The following INSYN2B variants were observed in gnomAD, a reference collection of about 807,000 sequenced individuals.
The protein encoded by INSYN2B is protein INSYN2B.
A neutral mutation model predicts 41.2 loss-of-function variants in INSYN2B; 16 were observed. The ratio of observed to expected loss-of-function variants is 0.39; its 90% confidence interval spans 0.26 to 0.59. The LOEUF is 0.59. INSYN2B is among the 20% of genes least tolerant of loss of function. The probability of loss-of-function intolerance (pLI) is 0.57; values close to 1 mark genes in which losing one functional copy is unlikely to be tolerated. For synonymous variants in INSYN2B, 245 were observed against 244.4 expected, an observed-to-expected ratio of 1.00 and a Z score of -0.02; for missense variants, 608 against 646.4, an observed-to-expected ratio of 0.94 and a Z score of 0.64.
chr5:169,963,238 A>G (rs1001455267), intron 1 of INSYN2B, among the ~76,000 whole-genome samples: 1 of 152,188 alleles, frequency 6.6e-6, no homozygotes, highest in Non-Finnish European at 1.5e-5. Flanking sequence ...GTATCAGTTT[A>G]TGTCCATGAA....
At chr5:169,971,428 CT>C (rs34124700) in intron 1 of INSYN2B, among the ~76,000 whole-genome samples, 45,273 of 134,778 alleles carry the variant, frequency 0.34, 7,553 homozygotes, top group Admixed American at 0.38. Flanking sequence ...CTCCTAGAGC[CT>C]TTTTTTTTTT....
In INSYN2B at chr5:169,863,852, CTCCCTCTACCTTCCGGG is replaced by C. The variant is rs1282522324; in HGVS notation, c.*404_*420del. 6.6e-6 allele frequency among the ~76,000 whole-genome samples: 1 copy of C among 152,216 alleles called. No individual in the cohort carries two copies. Among genetic ancestry groups the C allele is most frequent in the African/African-American group, 2.4e-5 (1 of 41,452 alleles). ...ATGGTACCTGCTTATAACCTATAACCTCCCTCTACCTTCCGGGTCTGCACAACACTATTTTTTTCTTT... is the reference window on the plus strand; with the variant it reads ...ATGGTACCTGCTTATAACCTATAACCTCTGCACAACACTATTTTTTTCTTT... On this transcript the variant is annotated 3_prime_UTR_variant, in exon 4 of 4. Coordinates refer to ENST00000377365, the MANE Select transcript of INSYN2B (RefSeq NM_001129891.3).
chr5:169,869,639 A>G (rs1444978153), intron 3 of INSYN2B, among the ~76,000 whole-genome samples: 2 of 152,186 alleles, frequency 1.3e-5, no homozygotes, highest in East Asian at 3.9e-4. Context: ...ATGCATTTCT[A>G]CTTCTTACTT....
At chr5:169,958,844 G>T (rs1776966926) in intron 1 of INSYN2B, among the ~76,000 whole-genome samples, 1 of 152,032 alleles carries the variant, frequency 6.6e-6, no homozygotes, top group African/African-American at 2.4e-5. Flanking sequence ...ATGCTTCTCT[G>T]TTTTGCCAAA....
Position 169,939,638 on chromosome 5 carries a change from A to G in INSYN2B, c.-919+40639T>C, listed in dbSNP as rs1776151234. 5.3e-5 allele frequency among the ~76,000 whole-genome samples: 8 copies of G among 152,260 alleles called. No individual in the cohort carries two copies. The South Asian group carries it at 1.7e-3, about 32-fold the overall frequency. ...TGATGCATTGTGTTATGACATTAGG[A>G]TGGGTGCGATGCCACTAGGAGGTAG... On this transcript the variant is annotated intron_variant, in intron 1 of 3. Transcript: ENST00000377365.
At chr5:169,900,503 A>G (rs1053997554) in intron 1 of INSYN2B, among the ~76,000 whole-genome samples, 3 of 152,202 alleles carry the variant, frequency 2.0e-5, no homozygotes, top group Non-Finnish European at 2.9e-5. Flanking sequence ...TTATTGGCCA[A>G]ACAGATCTTC....
intron 1 of INSYN2B, among the ~76,000 whole-genome samples, chr5:169,900,706 C>T (rs1343431423): frequency 6.6e-6 from 1 of 152,020 alleles, no homozygotes; most frequent in Non-Finnish European, 1.5e-5. Flanking sequence ...CTAATTATGA[C>T]TTAATGTGTA....
intron 1 of INSYN2B, among the ~76,000 whole-genome samples, chr5:169,908,884 C>T (rs977909982): frequency 3.2e-4 from 48 of 152,070 alleles, no homozygotes; most frequent in African/African-American, 1.1e-3. Context: ...TGCATTTCAC[C>T]TTCAAAACAA....
intron 1 of INSYN2B, among the ~76,000 whole-genome samples, chr5:169,945,038 T>C (rs928956941): frequency 1.3e-5 from 2 of 152,340 alleles, no homozygotes; most frequent in East Asian, 3.9e-4. Flanking sequence ...CAGAGGTGTC[T>C]TCTTAGCATG....
intron 1 of INSYN2B, among the ~76,000 whole-genome samples, chr5:169,947,102 C>T (rs372972437): frequency 7.9e-5 from 12 of 152,346 alleles, no homozygotes; most frequent in African/African-American, 2.6e-4. Flanking sequence ...CACTATGACT[C>T]CCTGTTACCA....
chr5:169,918,622 T>C (rs143702308), intron 1 of INSYN2B, among the ~76,000 whole-genome samples: 36 of 152,296 alleles, frequency 2.4e-4, no homozygotes, highest in African/African-American at 8.2e-4. Flanking sequence ...ACTTTAAAAA[T>C]GCAAACTAGA....
At chr5:169,880,065 A>C (rs1207554710) in intron 3 of INSYN2B, among the ~76,000 whole-genome samples, 1 of 152,192 alleles carries the variant, frequency 6.6e-6, no homozygotes, top group African/African-American at 2.4e-5. Context: ...TTCAAGTTAG[A>C]AGATATAAAA....
At chr5:169,874,078 G>A (rs575907113) in intron 3 of INSYN2B, among the ~76,000 whole-genome samples, 1 of 152,224 alleles carries the variant, frequency 6.6e-6, no homozygotes, top group Non-Finnish European at 1.5e-5. Context: ...TTCTCTGTCT[G>A]GTCCAGAAGA....
intron 1 of INSYN2B, among the ~76,000 whole-genome samples, chr5:169,936,040 G>A (rs947115744): frequency 5.3e-5 from 8 of 152,110 alleles, no homozygotes; most frequent in Non-Finnish European, 1.2e-4. Flanking sequence ...GGGAACAACT[G>A]TAAAGAAGTC....
chr5:169,919,997 C>T (rs554198534), intron 1 of INSYN2B, among the ~76,000 whole-genome samples: 7 of 152,150 alleles, frequency 4.6e-5, no homozygotes, highest in Non-Finnish European at 8.8e-5. Context: ...ACATGTTGTC[C>T]GTGTTGTTGA....
At chr5:169,896,835 A>T (rs1773639351) in intron 1 of INSYN2B, among the ~76,000 whole-genome samples, 1 of 152,246 alleles carries the variant, frequency 6.6e-6, no homozygotes, top group African/African-American at 2.4e-5. Flanking sequence ...TTATAATAAA[A>T]TGCAGATGCC....
chr5:169,870,114 A>C (rs1053637752), intron 3 of INSYN2B, among the ~76,000 whole-genome samples: 4 of 152,202 alleles, frequency 2.6e-5, no homozygotes, highest in African/African-American at 9.6e-5. Context: ...AGGGATGCTC[A>C]GTTAACTGCC....
chr5:169,962,223 A>G (rs932664619), intron 1 of INSYN2B, among the ~76,000 whole-genome samples: 1 of 152,016 alleles, frequency 6.6e-6, no homozygotes, highest in African/African-American at 2.4e-5. Context: ...GACAGTTAGG[A>G]GGCTATTGCT....
At chr5:169,871,859 G>C (rs1378925972) in intron 3 of INSYN2B, among the ~76,000 whole-genome samples, 1 of 152,150 alleles carries the variant, frequency 6.6e-6, no homozygotes, top group South Asian at 2.1e-4. Context: ...TTTCAGGGCA[G>C]CCTTGAAAGG....
Sources: gnomAD v4.1 joint callset for allele counts (sites outside exome capture counted in the v4.1 genomes callset) on GRCh38, gnomAD v4.1.1 for gene constraint, MANE v1.5 for transcripts, NCBI Gene and HGNC (gene_info 2026-07-23, HGNC 2026-07-21) for gene names.